Variants in IPCEF1 observed in about 807,000 individuals in gnomAD.
IPCEF1 encodes interaction protein for cytohesin exchange factors 1, also known as interactor protein for cytohesin exchange factors 1.
IPCEF1 carries 31 observed loss-of-function variants against 50.9 expected under a neutral mutation model. The observed-to-expected ratio is 0.61, with a 90% CI of 0.46 to 0.82. The LOEUF is 0.82. Among genes scored for constraint, IPCEF1 ranks in the 40% least tolerant of loss-of-function variants. The probability of loss-of-function intolerance (pLI) is 0.00; values close to 1 mark genes in which losing one functional copy is unlikely to be tolerated. For missense variants in IPCEF1, 458 were observed against 514.0 expected, an observed-to-expected ratio of 0.89 and a Z score of 1.05; for synonymous variants, 181 against 192.0, an observed-to-expected ratio of 0.94 and a Z score of 0.47.
chr6:154,227,245 A>T (rs563970320), intron 5 of IPCEF1, among the ~76,000 whole-genome samples: 1 of 152,064 alleles, frequency 6.6e-6, no homozygotes, highest in Admixed American at 6.5e-5. Flanking sequence ...AATAATAAAA[A>T]AATAAAAAAC....
intron 1 of IPCEF1, among the ~76,000 whole-genome samples, chr6:154,348,359 T>C (rs1350791749): frequency 6.6e-6 from 1 of 152,100 alleles, no homozygotes; most frequent in Non-Finnish European, 1.5e-5. Context: ...AAACTGTGAG[T>C]GTATTTGACC....
intron 7 of IPCEF1, among the ~76,000 whole-genome samples, chr6:154,219,778 CT>C (rs1339897215): frequency 6.6e-6 from 1 of 152,166 alleles, no homozygotes; most frequent in Non-Finnish European, 1.5e-5. Context: ...ATAGAAACAA[CT>C]TCTCTCTTTG....
intron 9 of IPCEF1, among the ~76,000 whole-genome samples, chr6:154,208,326 C>T (rs1304599596): frequency 6.6e-6 from 1 of 152,142 alleles, no homozygotes; most frequent in African/African-American, 2.4e-5. Context: ...ACTTTTCCCC[C>T]AAATATCCAC....
chr6:154,344,321 A>T (rs765458914), intron 1 of IPCEF1, among the ~76,000 whole-genome samples: 1 of 152,202 alleles, frequency 6.6e-6, no homozygotes, highest in African/African-American at 2.4e-5. Flanking sequence ...CCATATCATG[A>T]CTACTTCACT....
Position 154,186,564 on chromosome 6 carries a change from C to CTT in IPCEF1, c.910+13102_910+13103dup, listed in dbSNP as rs144402482. ...GCAGCTCCTTTCTTTCTTTTTTTCT[C>CTT]TTTTTTTTTTGAGACGGAGTCTCGC... is the stretch of plus-strand genomic sequence containing the variant. On this transcript the variant is annotated intron_variant, in intron 10 of 11. Coordinates refer to ENST00000367220, the MANE Select transcript of IPCEF1 (RefSeq NM_001130700.2). 1.5e-3 allele frequency among the ~76,000 whole-genome samples: 226 copies of CTT among 149,342 alleles called. 1 individual carries two copies. Among genetic ancestry groups the CTT allele is most frequent in the African/African-American group, 4.8e-3 (194 of 40,780 alleles).
chr6:154,257,707 G>A (rs1488544376), intron 3 of IPCEF1, among the ~76,000 whole-genome samples: 2 of 152,000 alleles, frequency 1.3e-5, no homozygotes, highest in Non-Finnish European at 2.9e-5. Flanking sequence ...TTGTTTGTTT[G>A]TTTGTTTTTT....
intron 1 of IPCEF1, among the ~76,000 whole-genome samples, chr6:154,306,181 C>A (rs371618043): frequency 1.3e-5 from 2 of 152,158 alleles, no homozygotes; most frequent in South Asian, 2.1e-4. Flanking sequence ...CTTACATTAA[C>A]CTCATCAGTG....
intron 1 of IPCEF1, among the ~76,000 whole-genome samples, chr6:154,352,049 T>C (rs1477173844): frequency 6.6e-6 from 1 of 152,054 alleles, no homozygotes; most frequent in East Asian, 1.9e-4. Flanking sequence ...ACCTAGGTGA[T>C]GAGTTGATCT....
chr6:154,335,924 T>C (rs1414025386), intron 1 of IPCEF1, among the ~76,000 whole-genome samples: 1 of 151,996 alleles, frequency 6.6e-6, no homozygotes, highest in African/African-American at 2.4e-5. Context: ...ATTGGGGAAA[T>C]GCAAATCAAA....
At chr6:154,180,414 A>ATATATATAT (rs1241250621) in intron 10 of IPCEF1, among the ~76,000 whole-genome samples, 6 of 65,256 alleles carry the variant, frequency 9.2e-5, no homozygotes, top group African/African-American at 2.9e-4. Context: ...ATATATATAT[A>ATATATATAT]TTTTTTTTTT....
At chr6:154,266,344 C>G (rs1159039872) in intron 2 of IPCEF1, among the ~76,000 whole-genome samples, 1 of 151,902 alleles carries the variant, frequency 6.6e-6, no homozygotes, top group Admixed American at 6.6e-5. Context: ...ATAATGGCAC[C>G]ACTGCACTCC....
intron 9 of IPCEF1, among the ~76,000 whole-genome samples, chr6:154,201,066 T>A (rs1170816767): frequency 2.0e-5 from 3 of 152,180 alleles, no homozygotes; most frequent in Admixed American, 6.5e-5. Flanking sequence ...TCACTCACTC[T>A]TTCTGCTGCC....
chr6:154,170,001 C>A (rs919553598), intron 10 of IPCEF1, among the ~76,000 whole-genome samples: 3 of 152,142 alleles, frequency 2.0e-5, no homozygotes, highest in Non-Finnish European at 4.4e-5. Flanking sequence ...CTTGATGATA[C>A]CGTTGGAGCC....
chr6:154,177,019 C>G (rs1349155473), intron 10 of IPCEF1, among the ~76,000 whole-genome samples: 2 of 152,088 alleles, frequency 1.3e-5, no homozygotes, highest in Non-Finnish European at 2.9e-5. Flanking sequence ...ACAAACCTGA[C>G]AAAAACAAGC....
chr6:154,298,687 G>C (rs1226314622), intron 1 of IPCEF1, among the ~76,000 whole-genome samples: 1 of 152,146 alleles, frequency 6.6e-6, no homozygotes, highest in East Asian at 1.9e-4. Flanking sequence ...ATTATGGCTG[G>C]GCGCAGTGGC....
intron 10 of IPCEF1, among the ~76,000 whole-genome samples, chr6:154,191,122 A>G (rs1801843419): frequency 6.6e-6 from 1 of 152,188 alleles, no homozygotes; most frequent in Admixed American, 6.5e-5. Flanking sequence ...ATATTACCAA[A>G]TGAAAGAAGC....
At chr6:154,274,616 C>A (rs1448555974) in intron 2 of IPCEF1, among the ~76,000 whole-genome samples, 1 of 152,240 alleles carries the variant, frequency 6.6e-6, no homozygotes, top group Admixed American at 6.5e-5. Context: ...AGGTACAAAG[C>A]TCCCCTGAGT....
At chr6:154,355,078 T>C (rs1440199729) in intron 1 of IPCEF1, among the ~76,000 whole-genome samples, 1 of 151,806 alleles carries the variant, frequency 6.6e-6, no homozygotes, top group Non-Finnish European at 1.5e-5. Context: ...TGCAAATTGT[T>C]AACCTGTACT....
intron 5 of IPCEF1, among the ~76,000 whole-genome samples, chr6:154,226,055 C>T (rs955292820): frequency 1.3e-5 from 2 of 152,164 alleles, no homozygotes; most frequent in African/African-American, 4.8e-5. Context: ...TCTAACTATG[C>T]CTTCTTCTCT....
Sources: allele counts gnomAD v4.1 joint callset (sites outside exome capture counted in the v4.1 genomes callset), GRCh38; gene constraint gnomAD v4.1.1; transcripts MANE v1.5; gene names NCBI Gene and HGNC (gene_info 2026-07-23, HGNC 2026-07-21).